Variants in SPATS2 observed in about 807,000 individuals in gnomAD.
SPATS2 encodes the protein spermatogenesis-associated serine-rich protein 2.
A neutral mutation model predicts 63.7 loss-of-function variants in SPATS2; 38 were observed. The observed-to-expected ratio is 0.60, with a 90% CI of 0.46 to 0.78. The LOEUF is 0.78. Among genes scored for constraint, SPATS2 ranks in the 30% least tolerant of loss-of-function variants. The pLI is 0.00. For synonymous variants in SPATS2, 207 were observed against 232.9 expected (o/e 0.89, Z 1.01); for missense variants, 588 against 666.2 (o/e 0.88, Z 1.29).
At chr12:49,517,758 C>T (rs1946874406) in intron 10 of SPATS2, among the ~76,000 whole-genome samples, 1 of 152,140 alleles carries the variant, frequency 6.6e-6, no homozygotes, top group African/African-American at 2.4e-5. Context: ...TTGAGTTCTG[C>T]TTATATCTCA....
intron 3 of SPATS2, among the ~76,000 whole-genome samples, chr12:49,469,346 C>T (rs1206927623): frequency 2.1e-5 from 3 of 143,382 alleles, no homozygotes; most frequent in East Asian, 2.1e-4. Flanking sequence ...GCCGAAATTG[C>T]GCCACTGCAT....
At chr12:49,487,124 T>C (rs1289907259) in intron 4 of SPATS2, among the ~76,000 whole-genome samples, 1 of 152,142 alleles carries the variant, frequency 6.6e-6, no homozygotes, top group Non-Finnish European at 1.5e-5. Flanking sequence ...TGAATAAAAT[T>C]TAAGATTTGC....
chr12:49,488,025 TG>T (rs1195717136), intron 4 of SPATS2, among the ~76,000 whole-genome samples: 1 of 152,092 alleles, frequency 6.6e-6, no homozygotes, highest in African/African-American at 2.4e-5. Context: ...ACATTTAAAA[TG>T]ATGTATATTA....
chr12:49,379,550 C>CAA (rs565753035), intron 2 of SPATS2, among the ~76,000 whole-genome samples: 923 of 44,990 alleles, frequency 0.021, 34 homozygotes, highest in African/African-American at 0.07. Flanking sequence ...GAATCCGTCT[C>CAA]AAAAAAAAAA....
At chr12:49,468,440 G>T (rs1302788465) in intron 3 of SPATS2, among the ~76,000 whole-genome samples, 3 of 151,702 alleles carry the variant, frequency 2.0e-5, no homozygotes, top group Non-Finnish European at 4.4e-5. Flanking sequence ...GATTACAGGC[G>T]TGAACCACTG....
rs71080195 is a variant in SPATS2, at chr12:49,421,416, CAAAAAAAAAAAA to C, written c.-243-39338_-243-39327del. Among the ~76,000 whole-genome samples the C allele has an allele frequency of 2.7e-4, 14 of 52,112 alleles. No homozygotes were observed. The South Asian group carries it at 3.6e-3, about 13-fold the overall frequency. The allele number at this position is 52,112 out of a possible 152,430, so 34.2% of individuals were successfully genotyped here. Reference sequence around the variant, plus strand: ...TGGGCAACAGAGCAAGACTTTGTCTCAAAAAAAAAAAAAAAAAAAAAAAAAAACAACCTTTGC... The same window carrying C: ...TGGGCAACAGAGCAAGACTTTGTCTCAAAAAAAAAAAAAAACAACCTTTGC... On this transcript the variant is annotated intron_variant, in intron 2 of 13. Transcript: ENST00000552918.
intron 9 of SPATS2, among the ~76,000 whole-genome samples, chr12:49,508,129 T>G (rs1015226508): frequency 6.6e-6 from 1 of 152,200 alleles, no homozygotes; most frequent in Non-Finnish European, 1.5e-5. Context: ...TTTGTTTTAT[T>G]CTGCAGTGTT....
At chr12:49,440,872 AT>A (rs1411853836) in intron 2 of SPATS2, among the ~76,000 whole-genome samples, 12 of 152,154 alleles carry the variant, frequency 7.9e-5, no homozygotes, top group African/African-American at 2.7e-4. Flanking sequence ...CAGGAATACT[AT>A]TGTAAATGAT....
At chr12:49,476,987 C>A (rs1369945793) in intron 3 of SPATS2, among the ~76,000 whole-genome samples, 1 of 152,052 alleles carries the variant, frequency 6.6e-6, no homozygotes, top group African/African-American at 2.4e-5. Flanking sequence ...TGCCTATAAT[C>A]CCAGCTACTT....
intron 2 of SPATS2, among the ~76,000 whole-genome samples, chr12:49,434,588 A>G (rs1945241054): frequency 6.6e-6 from 1 of 152,204 alleles, no homozygotes; most frequent in South Asian, 2.1e-4. Context: ...AAGTATAAAG[A>G]ACAATAAGAG....
At chr12:49,389,154 C>T (rs1330147639) in intron 2 of SPATS2, among the ~76,000 whole-genome samples, 1 of 152,114 alleles carries the variant, frequency 6.6e-6, no homozygotes, top group Admixed American at 6.6e-5. Flanking sequence ...AATTCAGGAA[C>T]CTCAGAATGC....
intron 3 of SPATS2, among the ~76,000 whole-genome samples, chr12:49,483,329 A>T (rs1946237527): frequency 6.6e-6 from 1 of 151,770 alleles, no homozygotes; most frequent in Non-Finnish European, 1.5e-5. Flanking sequence ...CATTCGAGTT[A>T]TATCATTTGG....
chr12:49,512,918 CT>C (rs747096276), intron 9 of SPATS2: 2 of 1,288,684 alleles, frequency 1.6e-6, no homozygotes, highest in South Asian at 2.5e-5. Flanking sequence ...TTGGGAAATG[CT>C]TTCTTAGCAA....
chr12:49,504,488 T>C (rs1006583871), intron 9 of SPATS2, among the ~76,000 whole-genome samples: 1 of 152,176 alleles, frequency 6.6e-6, no homozygotes, highest in Non-Finnish European at 1.5e-5. Flanking sequence ...CTAGAATATA[T>C]AAACTCCTTT....
intron 9 of SPATS2, among the ~76,000 whole-genome samples, chr12:49,513,149 A>G (rs9919807): frequency 0.029 from 4,426 of 152,272 alleles, 89 homozygotes; most frequent in Middle Eastern, 0.078. Context: ...TCTCCACATT[A>G]ACTACTTTGT....
In SPATS2 at chr12:49,525,945, T is replaced by A. The variant is rs1471600687; in HGVS notation, c.1328T>A (p.Val443Glu). The A allele has an allele frequency of 6.2e-7, 1 of 1,612,354 alleles. No homozygotes were observed. The highest frequency in any genetic ancestry group is 8.5e-7 in the Non-Finnish European group (1 of 1,178,956). Residue 443 changes from valine to glutamate, a missense_variant and splice_region_variant, in exon 14 of 14, where the codon GTA (valine) becomes GAA (glutamate). By Grantham distance (121) the Val-to-Glu change is moderately radical. Coordinates refer to ENST00000552918, the MANE Select transcript of SPATS2 (RefSeq NM_023071.4). ...AACATTGTATTCTTTCATCTTTAGG[T>A]ATTGCCAGGGAACAGACGAGGAGGA... is the stretch of plus-strand genomic sequence containing the variant. ...SGQPYQPLRE[V>E]LPGNRRGGQG... is the part of the protein sequence containing the mutation.
chr12:49,447,680 C>T (rs1443647637), intron 2 of SPATS2, among the ~76,000 whole-genome samples: 1 of 152,122 alleles, frequency 6.6e-6, no homozygotes, highest in Non-Finnish European at 1.5e-5. Context: ...TGATATCCTA[C>T]CCTTTTTAAG....
At chr12:49,385,836 G>GT (rs199632118) in intron 2 of SPATS2, among the ~76,000 whole-genome samples, 1 of 143,212 alleles carries the variant, frequency 7.0e-6, no homozygotes, top group Non-Finnish European at 1.5e-5. Flanking sequence ...GGTTTTTTTT[G>GT]TTTTTTGTTT....
chr12:49,459,158 AC>A (rs1352473435), intron 2 of SPATS2, among the ~76,000 whole-genome samples: 2 of 152,110 alleles, frequency 1.3e-5, no homozygotes, highest in Admixed American at 6.5e-5. Context: ...ATGGGGTATA[AC>A]CTTATAAGGG....
Sources: gnomAD v4.1 joint callset for allele counts (sites outside exome capture counted in the v4.1 genomes callset) on GRCh38, gnomAD v4.1.1 for gene constraint, MANE v1.5 for transcripts, NCBI Gene and HGNC (gene_info 2026-07-23, HGNC 2026-07-21) for gene names.